The following TP63 variants were observed in gnomAD, a reference collection of about 807,000 sequenced individuals.
The protein encoded by TP63 is tumor protein 63.
A neutral mutation model predicts 82.8 loss-of-function variants in TP63; 17 were observed. The ratio of observed to expected loss-of-function variants is 0.21; its 90% CI spans 0.14 to 0.31. The LOEUF is 0.31. Among genes scored for constraint, TP63 ranks in the 10% least tolerant of loss-of-function variants. TP63 has a pLI of 1.00. For missense variants in TP63, 648 were observed against 895.3 expected, an observed-to-expected ratio of 0.72 and a Z score of 3.52; for synonymous variants, 330 against 321.7, an observed-to-expected ratio of 1.03 and a Z score of -0.28.
At chr3:189,770,560 G>T (rs565913402) in intron 3 of TP63, among the ~76,000 whole-genome samples, 2 of 134,512 alleles carry the variant, frequency 1.5e-5, no homozygotes, top group Non-Finnish European at 3.1e-5. Flanking sequence ...GCAAGACTCC[G>T]TCTCAAAAAA....
the TP63 span, among the ~76,000 whole-genome samples, chr3:189,607,173 A>T: frequency 6.6e-6 from 1 of 152,214 alleles, no homozygotes; most frequent in African/African-American, 2.4e-5. Flanking sequence ...GAATTGACAG[A>T]GCAGAGCCAA....
intron 4 of TP63, among the ~76,000 whole-genome samples, chr3:189,840,465 CGT>C (rs1364806147): frequency 5.4e-5 from 7 of 129,280 alleles, no homozygotes; most frequent in Non-Finnish European, 6.4e-5. Flanking sequence ...AGATTGTGTA[CGT>C]GTGTGTGTGT....
chr3:189,674,689 T>G (rs1317418848), intron 1 of TP63, among the ~76,000 whole-genome samples: 1 of 152,012 alleles, frequency 6.6e-6, no homozygotes, highest in South Asian at 2.1e-4. Flanking sequence ...CCAGGCTGAG[T>G]AGATTCCCAA....
intron 4 of TP63, among the ~76,000 whole-genome samples, chr3:189,861,843 CAT>C (rs562667258): frequency 2.8e-4 from 43 of 152,264 alleles, no homozygotes; most frequent in East Asian, 2.3e-3. Flanking sequence ...AGGATAGACT[CAT>C]ATACCAGTTA....
At chr3:189,655,638 T>G (rs933204850) in intron 1 of TP63, among the ~76,000 whole-genome samples, 8 of 151,544 alleles carry the variant, frequency 5.3e-5, no homozygotes, top group Non-Finnish European at 8.8e-5. Context: ...AAAGAAAAAA[T>G]AAAATAAATC....
chr3:189,664,911 C>T (rs189166766), intron 1 of TP63, among the ~76,000 whole-genome samples: 6 of 152,200 alleles, frequency 3.9e-5, no homozygotes, highest in Admixed American at 2.0e-4. Context: ...TCGGAGCTAG[C>T]TTGTACCTGC....
the TP63 span, among the ~76,000 whole-genome samples, chr3:189,624,053 AT>A: frequency 6.6e-6 from 1 of 152,040 alleles, no homozygotes; most frequent in South Asian, 2.1e-4. Flanking sequence ...ACTATCTTTG[AT>A]TTTTGTCTTA....
chr3:189,658,367 G>T (rs1480540070), intron 1 of TP63, among the ~76,000 whole-genome samples: 1 of 151,954 alleles, frequency 6.6e-6, no homozygotes, highest in Non-Finnish European at 1.5e-5. Flanking sequence ...AGCAGGTGAA[G>T]CCCTCACTCC....
chr3:189,669,895 A>T (rs1577208414), intron 1 of TP63, among the ~76,000 whole-genome samples: 1 of 152,066 alleles, frequency 6.6e-6, no homozygotes, highest in South Asian at 2.1e-4. Flanking sequence ...TGGAAAACAA[A>T]TAGCAAAATG....
intron 4 of TP63, among the ~76,000 whole-genome samples, chr3:189,810,525 G>C (rs906015438): frequency 6.6e-6 from 1 of 152,072 alleles, no homozygotes; most frequent in South Asian, 2.1e-4. Context: ...CATCAAATTA[G>C]TTATCCTTCC....
intron 4 of TP63, among the ~76,000 whole-genome samples, chr3:189,851,479 G>T (rs1715623338): frequency 6.6e-6 from 1 of 152,196 alleles, no homozygotes; most frequent in Non-Finnish European, 1.5e-5. Context: ...GGAGGCTGAG[G>T]CAGGAGAATC....
At chr3:189,751,601 G>A (rs887676029) in intron 3 of TP63, among the ~76,000 whole-genome samples, 3 of 152,114 alleles carry the variant, frequency 2.0e-5, no homozygotes, top group Non-Finnish European at 4.4e-5. Flanking sequence ...TGTGTCTTCT[G>A]GCTGCATAAA....
chr3:189,890,650 A>G (rs924001687), intron 12 of TP63, 139 bp from the exon 13 acceptor site: 2 of 713,282 alleles, frequency 2.8e-6, no homozygotes, highest in Admixed American at 2.1e-5. Flanking sequence ...TAAGGCCCAC[A>G]TATATATTAC....
chr3:189,858,403 C>CAA (rs1160961471), intron 4 of TP63, among the ~76,000 whole-genome samples: 1 of 2,876 alleles, frequency 3.5e-4, no homozygotes, highest in African/African-American at 2.4e-3. Flanking sequence ...GACTCCGTCT[C>CAA]AAAAAAAAAA....
At chr3:189,769,337 T>C (rs535964050) in intron 3 of TP63, among the ~76,000 whole-genome samples, 1 of 152,342 alleles carries the variant, frequency 6.6e-6, no homozygotes, top group African/African-American at 2.4e-5. Context: ...AGCACAATTT[T>C]ATCTCATTAA....
At chr3:189,687,872 G>T (rs1001858215) in intron 1 of TP63, among the ~76,000 whole-genome samples, 1 of 152,094 alleles carries the variant, frequency 6.6e-6, no homozygotes, top group South Asian at 2.1e-4. Flanking sequence ...ATAACAGAAT[G>T]AACATAAAAA....
intron 1 of TP63, among the ~76,000 whole-genome samples, chr3:189,647,462 G>A (rs1712513437): frequency 6.8e-6 from 1 of 146,740 alleles, no homozygotes. Context: ...CTCTAAGATG[G>A]TCCAACTCAA....
intron 3 of TP63, among the ~76,000 whole-genome samples, chr3:189,799,041 T>C (rs1327237794): frequency 6.6e-6 from 1 of 152,086 alleles, no homozygotes; most frequent in East Asian, 1.9e-4. Context: ...GAAACAGTGT[T>C]CCCCGCTTGA....
At chr3:189,661,186 C>T (rs575312299) in intron 1 of TP63, among the ~76,000 whole-genome samples, 1 of 151,972 alleles carries the variant, frequency 6.6e-6, no homozygotes, top group Non-Finnish European at 1.5e-5. Flanking sequence ...TGTGCACACT[C>T]AGTATGATGT....
Sources: allele counts gnomAD v4.1 joint callset (sites outside exome capture counted in the v4.1 genomes callset), GRCh38; gene constraint gnomAD v4.1.1; transcripts MANE v1.5; gene names NCBI Gene and HGNC (gene_info 2026-07-23, HGNC 2026-07-21).